The following RPA3 variants were observed in gnomAD, a reference collection of about 807,000 sequenced individuals.
The protein encoded by RPA3 is replication protein A3.
Under a neutral mutation model 13.7 loss-of-function variants are expected in RPA3, and 24 were observed. The observed-to-expected ratio is 1.75, with a 90% confidence interval of 1.27 to 2.46. The LOEUF is 2.46. Ranked by LOEUF, RPA3 falls within the 30% of genes most tolerant of loss-of-function variation. The pLI is 0.00. For missense variants in RPA3, 183 were observed against 151.0 expected, an observed-to-expected ratio of 1.21 and a Z score of -1.11; for synonymous variants, 59 against 51.2, an observed-to-expected ratio of 1.15 and a Z score of -0.65.
At chr7:7,689,925 C>T (rs1481948283) in intron 2 of RPA3, among the ~76,000 whole-genome samples, 1 of 152,262 alleles carries the variant, frequency 6.6e-6, no homozygotes, top group East Asian at 1.9e-4. Flanking sequence ...GTTAAACATG[C>T]TCACATAATA....
At chr7:7,672,610 G>A (rs867688170) in intron 4 of RPA3, among the ~76,000 whole-genome samples, 1 of 152,174 alleles carries the variant, frequency 6.6e-6, no homozygotes, top group Non-Finnish European at 1.5e-5. Flanking sequence ...TAGTGAGTGA[G>A]TTCTCATGAG....
intron 2 of RPA3, among the ~76,000 whole-genome samples, chr7:7,696,644 A>C (rs1371058299): frequency 6.6e-6 from 1 of 152,126 alleles, no homozygotes; most frequent in Non-Finnish European, 1.5e-5. Flanking sequence ...GCTCTCCCTC[A>C]TACAGAACAA....
chr7:7,650,460 G>A (rs1306483800), intron 4 of RPA3, among the ~76,000 whole-genome samples: 1 of 152,104 alleles, frequency 6.6e-6, no homozygotes, highest in Non-Finnish European at 1.5e-5. Context: ...TGTAATGTCT[G>A]CTTTGTTTTA....
At chr7:7,696,003 A>G (rs74470841) in intron 2 of RPA3, among the ~76,000 whole-genome samples, 3,368 of 134,750 alleles carry the variant, frequency 0.025, 139 homozygotes, top group African/African-American at 0.091. Context: ...TTTTTCTGAT[A>G]AACTTACCAG....
intron 4 of RPA3, among the ~76,000 whole-genome samples, chr7:7,655,833 CTCTCTT>C (rs1357468981): frequency 2.0e-5 from 3 of 151,628 alleles, no homozygotes; most frequent in Non-Finnish European, 4.4e-5. Context: ...CTCTCTCTCT[CTCTCTT>C]TGTTTTTGTT....
chr7:7,640,737 A>C lies in RPA3; in HGVS notation c.-319T>G, dbSNP rs1784948453. ...CCTGAGACTACCTTTCTGCGATCAC[A>C]GGATTCCCGGCGGTGACTTGACCCC... On this transcript the variant is annotated 5_prime_UTR_variant, in exon 5 of 8. Transcript: ENST00000223129. The C allele has an allele frequency of 7.1e-6, 2 of 283,644 alleles. No individual in the cohort carries two copies. Among genetic ancestry groups the C allele is most frequent in the African/African-American group, 4.5e-5 (2 of 44,848 alleles). The allele number at this position is 283,644 out of a possible 1,614,324, so 17.6% of individuals were successfully genotyped here.
At position 7,700,092 on chromosome 7, in the gene RPA3, G is replaced by A. The variant is rs527867978; in HGVS notation, c.-1027-12764C>T. 4.6e-5 allele frequency among the ~76,000 whole-genome samples: 7 copies of A among 152,144 alleles called. No homozygotes were observed. In the South Asian group the frequency reaches 1.2e-3, roughly 27 times the overall value. On this transcript the variant is annotated intron_variant, in intron 2 of 7. Coordinates refer to ENST00000223129, the MANE Select transcript of RPA3 (RefSeq NM_002947.5). ...TCAGTCTGGGCTCCTTTAACAAAGT[G>A]TCATAGATTGGTGGCTTGTAAACAA...
At chr7:7,661,558 G>C (rs555536087) in intron 4 of RPA3, among the ~76,000 whole-genome samples, 2 of 152,256 alleles carry the variant, frequency 1.3e-5, no homozygotes, top group East Asian at 3.9e-4. Flanking sequence ...CCTTCTGACA[G>C]GCCCGTGTGC....
intron 4 of RPA3, among the ~76,000 whole-genome samples, chr7:7,661,971 C>T (rs376713671): frequency 1.3e-5 from 2 of 152,218 alleles, no homozygotes; most frequent in Admixed American, 6.5e-5. Context: ...AAGCCCCTGA[C>T]TGGGGCTGCT....
intron 1 of RPA3, among the ~76,000 whole-genome samples, chr7:7,716,512 T>C (rs1310442537): frequency 6.6e-6 from 1 of 152,198 alleles, no homozygotes; most frequent in Non-Finnish European, 1.5e-5. Flanking sequence ...GTGCCAATAG[T>C]AAAGGGCCAC....
At chr7:7,698,870 C>CTTT (rs57968079) in intron 2 of RPA3, among the ~76,000 whole-genome samples, 5 of 131,956 alleles carry the variant, frequency 3.8e-5, no homozygotes, top group Admixed American at 7.6e-5. Flanking sequence ...ACCCTCTTGT[C>CTTT]TTTTTTTTTT....
intron 2 of RPA3, among the ~76,000 whole-genome samples, chr7:7,709,332 G>A (rs28912689): frequency 0.011 from 1,665 of 152,252 alleles, 32 homozygotes; most frequent in African/African-American, 0.036. Context: ...ATTGTGGGTC[G>A]TCATTAATTC....
intron 4 of RPA3, among the ~76,000 whole-genome samples, chr7:7,662,180 A>T (rs1785491274): frequency 6.6e-6 from 1 of 152,140 alleles, no homozygotes; most frequent in Non-Finnish European, 1.5e-5. Context: ...CGAGTGTCCC[A>T]GGTCAGCTTC....
At chr7:7,698,174 A>G (rs1780362933) in intron 2 of RPA3, among the ~76,000 whole-genome samples, 1 of 152,226 alleles carries the variant, frequency 6.6e-6, no homozygotes. Flanking sequence ...CTGATGTGAT[A>G]TTATTTATTT....
At chr7:7,665,794 C>G (rs1779434843) in intron 4 of RPA3, among the ~76,000 whole-genome samples, 1 of 150,098 alleles carries the variant, frequency 6.7e-6, no homozygotes, top group African/African-American at 2.4e-5. Context: ...ATAGTATGAA[C>G]TTTTATATTG....
chr7:7,640,368 T>G lies in RPA3; in HGVS notation c.51A>C (p.Leu17=). The change falls in exon 5 of 8, where the codon CTA becomes CTC. Residue 17 remains leucine (L), a synonymous_variant. Transcript: ENST00000223129. The stretch of plus-strand genomic sequence containing the variant: ...AGACAGGCTTGTCGATGAATTGAGC[T>G]AGCATGCCGGCGTTGATGCGCGACC... ...LPRSRINAGM[L]AQFIDKPVCF... is the part of the protein sequence containing the mutation. 1 of 1,614,118 alleles carries G rather than the reference T, an allele frequency of 6.2e-7. No individual in the cohort carries two copies. The highest frequency in any genetic ancestry group is 8.5e-7 in the Non-Finnish European group (1 of 1,180,028).
intron 1 of RPA3, among the ~76,000 whole-genome samples, chr7:7,717,351 C>T (rs1000375498): frequency 6.6e-6 from 1 of 152,152 alleles, no homozygotes; most frequent in African/African-American, 2.4e-5. Context: ...GCCACCTCGC[C>T]CAGCCTCCTG....
chr7:7,717,020 C>T (rs952366378), intron 1 of RPA3, among the ~76,000 whole-genome samples: 3 of 151,816 alleles, frequency 2.0e-5, no homozygotes, highest in African/African-American at 7.3e-5. Context: ...CACGAGGGAG[C>T]TTTCCTCTTT....
chr7:7,687,732 T>C lies in RPA3; in HGVS notation c.-1027-404A>G, dbSNP rs138079668. ...CCATCAAAAATGATATGTACTTTTATGACTATACATACACACACATATTTT... is the reference window on the plus strand; with the variant it reads ...CCATCAAAAATGATATGTACTTTTACGACTATACATACACACACATATTTT... On this transcript the variant is annotated intron_variant, in intron 2 of 7. Coordinates refer to ENST00000223129, the MANE Select transcript of RPA3 (RefSeq NM_002947.5). 1.4e-3 allele frequency among the ~76,000 whole-genome samples: 210 copies of C among 152,350 alleles called. 1 individual carries two copies. The highest frequency in any genetic ancestry group is 4.6e-3 in the African/African-American group (192 of 41,582).
Sources: gnomAD v4.1 joint callset for allele counts (sites outside exome capture counted in the v4.1 genomes callset) on GRCh38, gnomAD v4.1.1 for gene constraint, MANE v1.5 for transcripts, NCBI Gene and HGNC (gene_info 2026-07-23, HGNC 2026-07-21) for gene names.